Variants in NEDD4L observed in about 807,000 individuals in gnomAD.
NEDD4L encodes the protein NEDD4 like E3 ubiquitin protein ligase, also known as E3 ubiquitin-protein ligase NEDD4-like.
NEDD4L carries 54 observed loss-of-function variants against 148.9 expected under a neutral mutation model. The observed-to-expected ratio is 0.36, with a 90% confidence interval of 0.29 to 0.45. The LOEUF (loss-of-function observed/expected upper bound fraction) is 0.45. Among genes scored for constraint, NEDD4L ranks in the 20% least tolerant of loss-of-function variants. The pLI is 1.00. For missense variants in NEDD4L, 856 were observed against 1,233.8 expected, an observed-to-expected ratio of 0.69 and a Z score of 4.59; for synonymous variants, 433 against 440.7, an observed-to-expected ratio of 0.98 and a Z score of 0.22.
intron 24 of NEDD4L, among the ~76,000 whole-genome samples, chr18:58,377,891 C>T (rs2047782988): frequency 6.6e-6 from 1 of 152,178 alleles, no homozygotes. Flanking sequence ...ACTACAGGTG[C>T]AAGCCACCAT....
At chr18:58,122,495 C>CTAAAATAAAATAAAA (rs544222112) in intron 1 of NEDD4L, among the ~76,000 whole-genome samples, 2 of 151,742 alleles carry the variant, frequency 1.3e-5, no homozygotes, top group African/African-American at 2.4e-5. Context: ...AAAATTCTGT[C>CTAAAATAAAATAAAA]TAAAATAAAA....
intron 2 of NEDD4L, among the ~76,000 whole-genome samples, chr18:58,224,751 C>T (rs1442311819): frequency 1.3e-5 from 2 of 152,208 alleles, no homozygotes; most frequent in African/African-American, 4.8e-5. Context: ...CTAAGTGTCT[C>T]TTGTGCTAGA....
chr18:58,160,429 C>T (rs1428337726), intron 1 of NEDD4L, among the ~76,000 whole-genome samples: 1 of 152,190 alleles, frequency 6.6e-6, no homozygotes, highest in African/African-American at 2.4e-5. Context: ...TACACAATAA[C>T]AATGCAGAAC....
intron 24 of NEDD4L, among the ~76,000 whole-genome samples, chr18:58,377,706 A>G (rs142852553): frequency 6.6e-6 from 1 of 152,096 alleles, no homozygotes; most frequent in East Asian, 1.9e-4. Flanking sequence ...CTTTATTGCA[A>G]GTTCAGCAGA....
chr18:58,163,213 TGGTACTATA>T lies in NEDD4L; in HGVS notation c.49-2568_49-2560del, dbSNP rs1226743986. Among the ~76,000 whole-genome samples, 5 of 152,184 alleles carry T rather than the reference TGGTACTATA, an allele frequency of 3.3e-5. No individual in the cohort carries two copies. The South Asian group carries it at 1.0e-3, about 31-fold the overall frequency. ...CTGCTTCAGCACCTCCCCGAGTAAG[TGGTACTATA>T]GGTACTTCAGGTTTTGAAGCATGTG... On this transcript the variant is annotated intron_variant, in intron 1 of 30. Transcript: ENST00000400345.
chr18:58,381,927 T>A (rs1356051921), intron 24 of NEDD4L, among the ~76,000 whole-genome samples: 1 of 152,008 alleles, frequency 6.6e-6, no homozygotes, highest in Non-Finnish European at 1.5e-5. Context: ...TGGGATGCAC[T>A]GGGAAGATGG....
chr18:58,369,432 G>A (rs970290682), intron 22 of NEDD4L, among the ~76,000 whole-genome samples: 5 of 72,006 alleles, frequency 6.9e-5, no homozygotes, highest in South Asian at 6.3e-4. Context: ...CCCACAGATG[G>A]GAATGTCCCT....
chr18:58,399,027 A>G lies in NEDD4L; in HGVS notation c.*2758A>G, dbSNP rs898648144. ...GTTGTCTGCTGAAGCTGTAGTTATT[A>G]TGGGCCACTTACATGAGGCTGAGAA... is the stretch of plus-strand genomic sequence containing the variant. On this transcript the variant is annotated 3_prime_UTR_variant, in exon 31 of 31. Transcript: ENST00000400345. 6.6e-6 allele frequency: 1 copy of G among 152,248 alleles called. No individual in the cohort carries two copies. Among genetic ancestry groups the G allele is most frequent in the African/African-American group, 2.4e-5 (1 of 41,454 alleles). The allele number at this position is 152,248 out of a possible 1,614,324, so 9.4% of individuals were successfully genotyped here. A position where few individuals can be genotyped will look rare whatever the true frequency, so the allele number is the denominator to read the frequency against.
At chr18:58,068,532 A>G (rs2082722066) in intron 1 of NEDD4L, among the ~76,000 whole-genome samples, 1 of 152,204 alleles carries the variant, frequency 6.6e-6, no homozygotes, top group South Asian at 2.1e-4. Context: ...TAAGGACAGA[A>G]ACATCTCTGT....
intron 13 of NEDD4L, among the ~76,000 whole-genome samples, chr18:58,337,427 C>T (rs1324319622): frequency 6.6e-6 from 1 of 152,206 alleles, no homozygotes; most frequent in Non-Finnish European, 1.5e-5. Context: ...CCCTCTTTGG[C>T]ATCCCCTCTG....
chr18:58,193,776 G>A (rs1053502293), intron 2 of NEDD4L: 2 of 152,212 alleles, frequency 1.3e-5, no homozygotes, highest in African/African-American at 2.4e-5. Context: ...TATATTCTCT[G>A]CTCCAGCCAC....
chr18:58,216,981 C>T (rs7243373), intron 2 of NEDD4L, among the ~76,000 whole-genome samples: 22,829 of 152,120 alleles, frequency 0.15, 3,625 homozygotes, highest in African/African-American at 0.41. Context: ...TTTGAGGATA[C>T]AAATCTTGGG....
intron 1 of NEDD4L, 55 bp downstream of exon 1, chr18:58,044,763 CG>C: frequency 1.3e-6 from 2 of 1,584,002 alleles, no homozygotes; most frequent in South Asian, 2.3e-5. Context: ...TATCCCGCGC[CG>C]GCAGGGGGAG....
Position 58,218,683 on chromosome 18 carries a change from C to T in NEDD4L, c.123-26744C>T, listed in dbSNP as rs373004089. Among the ~76,000 whole-genome samples the T allele has an allele frequency of 3.3e-5, 5 of 152,166 alleles. No individual in the cohort carries two copies. The South Asian group carries it at 8.3e-4, about 25-fold the overall frequency. ...TTCATCAAATCCAGACACATCGAAT[C>T]CCCCACAACCAAGAATTACCCAGCC... On this transcript the variant is annotated intron_variant, in intron 2 of 30. Transcript: ENST00000400345.
At chr18:58,077,067 T>A (rs1449125996) in intron 1 of NEDD4L, among the ~76,000 whole-genome samples, 2 of 151,318 alleles carry the variant, frequency 1.3e-5, no homozygotes, top group African/African-American at 4.8e-5. Context: ...GCCAGTCTGG[T>A]CTTGAACTCC....
chr18:58,234,115 T>TC (rs2045666010), intron 2 of NEDD4L, among the ~76,000 whole-genome samples: 1 of 77,040 alleles, frequency 1.3e-5, no homozygotes, highest in African/African-American at 6.8e-5. Context: ...TCTTTTCTTT[T>TC]CTTTTCCTTC....
At chr18:58,195,657 G>A in intron 2 of NEDD4L, 1 of 1,351,728 alleles carries the variant, frequency 7.4e-7, no homozygotes, top group Non-Finnish European at 9.8e-7. Flanking sequence ...GTTGTTAGGG[G>A]AAACAGACCA....
chr18:58,391,379 C>A, intron 29 of NEDD4L, 108 bp from the exon 30 acceptor site: 2 of 853,338 alleles, frequency 2.3e-6, no homozygotes, highest in South Asian at 1.4e-5. Context: ...TTGGGCCTCA[C>A]CCCTGGGGGC....
At chr18:58,300,389 A>G (rs1302744844) in intron 5 of NEDD4L, among the ~76,000 whole-genome samples, 1 of 152,212 alleles carries the variant, frequency 6.6e-6, no homozygotes, top group Non-Finnish European at 1.5e-5. Flanking sequence ...TCTGGGTTTA[A>G]TAGTACCTTC....
Sources: allele counts gnomAD v4.1 joint callset (sites outside exome capture counted in the v4.1 genomes callset), GRCh38; gene constraint gnomAD v4.1.1; transcripts MANE v1.5; gene names NCBI Gene and HGNC (gene_info 2026-07-23, HGNC 2026-07-21).